FER: variants seen among roughly 807,000 people sequenced by gnomAD.
FER encodes the protein FER tyrosine kinase.
Under a neutral mutation model 111.0 loss-of-function variants are expected in FER, and 63 were observed. The ratio of observed to expected loss-of-function variants is 0.57; its 90% confidence interval spans 0.46 to 0.70. The LOEUF (loss-of-function observed/expected upper bound fraction) is 0.70, where lower values mean the gene tolerates loss of function less well. Among genes scored for constraint, FER ranks in the 30% least tolerant of loss-of-function variants. FER has a pLI of 0.00. For missense variants in FER, 914 were observed against 954.0 expected (o/e 0.96, Z 0.55); for synonymous variants, 327 against 313.9 (o/e 1.04, Z -0.44).
chr5:108,818,641 A>G lies in FER; in HGVS notation c.208-14129A>G, dbSNP rs947252487. The stretch of plus-strand genomic sequence containing the variant: ...TTTTTCACTGTGTTAAAGTAGTCCT[A>G]TTTCTAATTATCCAGTGAGATATTG... On this transcript the variant is annotated intron_variant, in intron 3 of 19. Transcript: ENST00000281092. 1.4e-4 allele frequency among the ~76,000 whole-genome samples: 22 copies of G among 152,212 alleles called. No individual in the cohort carries two copies. In the South Asian group the frequency reaches 3.7e-3, roughly 26 times the overall value.
chr5:109,112,178 G>C (rs1749702387), intron 17 of FER, among the ~76,000 whole-genome samples: 1 of 151,934 alleles, frequency 6.6e-6, no homozygotes, highest in Non-Finnish European at 1.5e-5. Flanking sequence ...ATAAGACATA[G>C]ATAAGTTTTG....
rs888566042 is a variant in FER at position 108,871,482 on chromosome 5, T to C, written c.783T>C (p.Asn261=). The C allele has an allele frequency of 3.1e-6, 5 of 1,606,098 alleles. No individual in the cohort carries two copies. Among genetic ancestry groups the C allele is most frequent in the Non-Finnish European group, 3.4e-6 (4 of 1,175,254 alleles). The change falls in exon 7 of 20, where the codon AAT becomes AAC. Residue 261 remains asparagine (N), a synonymous_variant. Coordinates refer to ENST00000281092, the MANE Select transcript of FER (RefSeq NM_005246.4). ...AGATAGATCCTAGTACAGAATACAA[T>C]AATTTCATAGATGTTCACAGGTATG... ...VEQIDPSTEY[N]NFIDVHRTTA...
At chr5:108,827,111 G>A (rs1759553526) in intron 3 of FER, among the ~76,000 whole-genome samples, 1 of 152,084 alleles carries the variant, frequency 6.6e-6, no homozygotes, top group African/African-American at 2.4e-5. Flanking sequence ...CATGGTTATT[G>A]GTCTCTTTGA....
chr5:108,781,424 T>C (rs1452785507), intron 2 of FER, among the ~76,000 whole-genome samples: 1 of 152,210 alleles, frequency 6.6e-6, no homozygotes, highest in Non-Finnish European at 1.5e-5. Flanking sequence ...ACTCCTGACC[T>C]CAGGTGATCC....
At chr5:109,025,238 C>A (rs1768535232) in intron 13 of FER, among the ~76,000 whole-genome samples, 1 of 152,002 alleles carries the variant, frequency 6.6e-6, no homozygotes, top group African/African-American at 2.4e-5. Flanking sequence ...GATATTGATT[C>A]TTCCTACCCA....
At chr5:109,154,994 G>C (rs145195325) in intron 17 of FER, among the ~76,000 whole-genome samples, 1,808 of 151,864 alleles carry the variant, frequency 0.012, 18 homozygotes, top group Non-Finnish European at 0.02. Flanking sequence ...AACCAGTGTG[G>C]GTTAATCTTA....
chr5:108,874,399 T>A (rs1764886893), intron 8 of FER, among the ~76,000 whole-genome samples: 1 of 152,192 alleles, frequency 6.6e-6, no homozygotes, highest in Non-Finnish European at 1.5e-5. Context: ...GTAGAAGTTT[T>A]AATTGCTCAC....
intron 17 of FER, among the ~76,000 whole-genome samples, chr5:109,172,647 AG>A (rs553071249): frequency 5.5e-4 from 84 of 152,186 alleles, no homozygotes; most frequent in African/African-American, 2.0e-3. Context: ...TAAAATAAAA[AG>A]AAAAAAATTT....
At chr5:108,860,052 C>T (rs568491291) in intron 5 of FER, among the ~76,000 whole-genome samples, 1 of 151,640 alleles carries the variant, frequency 6.6e-6, no homozygotes, top group Admixed American at 6.6e-5. Context: ...AGTGATTGTC[C>T]TGCCTCAGCC....
chr5:108,791,793 C>G (rs1314667150), intron 2 of FER, among the ~76,000 whole-genome samples: 1 of 151,976 alleles, frequency 6.6e-6, no homozygotes, highest in Non-Finnish European at 1.5e-5. Context: ...ATGTTTTATT[C>G]TGAGAATTTT....
At chr5:109,178,353 T>A (rs1757931331) in intron 17 of FER, among the ~76,000 whole-genome samples, 1 of 152,232 alleles carries the variant, frequency 6.6e-6, no homozygotes, top group Non-Finnish European at 1.5e-5. Flanking sequence ...TGGCCTCTCA[T>A]AGAACCGTGA....
At chr5:109,117,005 C>T (rs1350457107) in intron 17 of FER, among the ~76,000 whole-genome samples, 1 of 152,058 alleles carries the variant, frequency 6.6e-6, no homozygotes, top group Non-Finnish European at 1.5e-5. Flanking sequence ...GGGAACCTTT[C>T]GTGAGACAAT....
intron 13 of FER, among the ~76,000 whole-genome samples, chr5:108,970,411 G>A (rs967228028): frequency 2.0e-5 from 3 of 151,646 alleles, no homozygotes; most frequent in Admixed American, 6.6e-5. Context: ...TAGTAGAGAC[G>A]GGGTTTTGCC....
intron 5 of FER, among the ~76,000 whole-genome samples, chr5:108,846,678 G>C (rs1183507274): frequency 2.6e-5 from 4 of 151,908 alleles, no homozygotes; most frequent in Non-Finnish European, 5.9e-5. Context: ...TGCCTCCCGG[G>C]TTCACGCCAT....
At chr5:109,186,817 G>A (rs926890362) in intron 19 of FER, among the ~76,000 whole-genome samples, 5 of 152,106 alleles carry the variant, frequency 3.3e-5, no homozygotes, top group African/African-American at 9.7e-5. Context: ...ATACAGTCTC[G>A]ACAAAAAGAA....
At chr5:108,967,459 A>G (rs1394287236) in intron 13 of FER, among the ~76,000 whole-genome samples, 1 of 152,038 alleles carries the variant, frequency 6.6e-6, no homozygotes, top group Non-Finnish European at 1.5e-5. Context: ...TGGGCATGAC[A>G]GTGTGAAAAA....
At chr5:109,061,435 A>G (rs1444522180) in intron 16 of FER, among the ~76,000 whole-genome samples, 2 of 152,208 alleles carry the variant, frequency 1.3e-5, no homozygotes, top group Non-Finnish European at 2.9e-5. Flanking sequence ...ATTTCCATTT[A>G]CAAAGAAACT....
chr5:109,056,308 C>CG (rs1313509678), intron 16 of FER, among the ~76,000 whole-genome samples: 5 of 151,762 alleles, frequency 3.3e-5, no homozygotes, highest in African/African-American at 7.3e-5. Flanking sequence ...AGCCAAGATA[C>CG]GGAAAAAAAC....
At chr5:109,147,564 T>C (rs1242756352) in intron 17 of FER, among the ~76,000 whole-genome samples, 1 of 152,030 alleles carries the variant, frequency 6.6e-6, no homozygotes, top group East Asian at 1.9e-4. Context: ...ATTAGTTCTA[T>C]AAACAATAGT....
Sources: allele counts gnomAD v4.1 joint callset (sites outside exome capture counted in the v4.1 genomes callset), GRCh38; gene constraint gnomAD v4.1.1; transcripts MANE v1.5; gene names NCBI Gene and HGNC (gene_info 2026-07-23, HGNC 2026-07-21).